The following FGF12 variants were observed in gnomAD, a reference collection of about 807,000 sequenced individuals.
FGF12 encodes fibroblast growth factor 12, also known as fibroblast growth factor 12B.
In FGF12, 14 loss-of-function variants were observed where a neutral mutation model predicts 23.6. The ratio of observed to expected loss-of-function variants is 0.59; its 90% confidence interval spans 0.39 to 0.93. The LOEUF (loss-of-function observed/expected upper bound fraction) is 0.93, where lower values mean the gene tolerates loss of function less well. FGF12 is among the 40% of genes least tolerant of loss of function. FGF12 has a pLI of 0.00. For synonymous variants in FGF12, 62 were observed against 77.3 expected, an observed-to-expected ratio of 0.80 and a Z score of 1.04; for missense variants, 175 against 217.8, an observed-to-expected ratio of 0.80 and a Z score of 1.24.
chr3:192,313,511 C>A (rs77462049), intron 4 of FGF12, among the ~76,000 whole-genome samples: 1 of 152,154 alleles, frequency 6.6e-6, no homozygotes, highest in Non-Finnish European at 1.5e-5. Context: ...GCCCTTGCTA[C>A]AGAAATTTTA....
intron 2 of FGF12, among the ~76,000 whole-genome samples, chr3:192,680,388 A>G (rs925594327): frequency 1.3e-5 from 2 of 152,202 alleles, no homozygotes; most frequent in Admixed American, 6.5e-5. Flanking sequence ...GAGCTGGAAG[A>G]GCTATAAACC....
At position 192,367,988 on chromosome 3, in the gene FGF12, G is replaced by A. The variant is rs145049702; in HGVS notation, c.14-7450C>T. Among the ~76,000 whole-genome samples, 39 of 152,194 alleles carry A rather than the reference G, an allele frequency of 2.6e-4. No homozygotes were observed. In the East Asian group the frequency reaches 5.8e-3, roughly 23 times the overall value. On this transcript the variant is annotated intron_variant, in intron 2 of 5. Coordinates refer to ENST00000445105, the MANE Select transcript of FGF12 (RefSeq NM_004113.6). The stretch of plus-strand genomic sequence containing the variant: ...AGTTATCAATAGATACTAATGGCAC[G>A]TTTTATTTTTTAAAAATGAATATTT...
Position 192,360,935 on chromosome 3 carries a change from G to A in FGF12, c.14-397C>T, listed in dbSNP as rs1718694407. Among the ~76,000 whole-genome samples, 2 of 152,034 alleles carry A rather than the reference G, an allele frequency of 1.3e-5. No homozygotes were observed. The highest frequency in any genetic ancestry group is 4.2e-4 in the South Asian group (2 of 4,814). On this transcript the variant is annotated intron_variant, in intron 2 of 5. Transcript: ENST00000445105. The surrounding 1 kb of genome is among the most constrained non-coding windows in gnomAD (Gnocchi z 4.3). ...CTAAGTTTCTAGTAGCCATAACCAG[G>A]TCCATAAGACTTCTATCTCTGCAGG...
chr3:192,429,586 A>C (rs993293562), intron 2 of FGF12, among the ~76,000 whole-genome samples: 1 of 152,142 alleles, frequency 6.6e-6, no homozygotes, highest in African/African-American at 2.4e-5. Context: ...CTTTACCCAA[A>C]AGGCCAAGTG....
At chr3:192,725,414 T>C (rs887890178) in intron 2 of FGF12, among the ~76,000 whole-genome samples, 5 of 152,140 alleles carry the variant, frequency 3.3e-5, no homozygotes, top group African/African-American at 9.7e-5. Context: ...TGGATTGACA[T>C]AGAACTTCTG....
At chr3:192,535,328 T>C (rs182496339) in intron 2 of FGF12, among the ~76,000 whole-genome samples, 6 of 152,332 alleles carry the variant, frequency 3.9e-5, no homozygotes, top group Admixed American at 3.9e-4. Flanking sequence ...AAATTCTACT[T>C]AAAATTAAAA....
At chr3:192,574,593 A>T (rs991209479) in intron 2 of FGF12, among the ~76,000 whole-genome samples, 1 of 152,238 alleles carries the variant, frequency 6.6e-6, no homozygotes, top group Non-Finnish European at 1.5e-5. Context: ...AGCATTCCCC[A>T]TTCAAACCCC....
At chr3:192,544,845 G>A (rs957077087) in intron 2 of FGF12, among the ~76,000 whole-genome samples, 1 of 152,188 alleles carries the variant, frequency 6.6e-6, no homozygotes, top group Non-Finnish European at 1.5e-5. Context: ...ACAGTCGTGA[G>A]TATAGCAGAC....
At chr3:192,161,758 TATGCCATTCAA>T (rs1475852450) in intron 5 of FGF12, among the ~76,000 whole-genome samples, 3 of 152,260 alleles carry the variant, frequency 2.0e-5, no homozygotes, top group Non-Finnish European at 4.4e-5. Flanking sequence ...GAAAGGACAA[TATGCCATTCAA>T]ATGGAATATA....
At chr3:192,285,088 A>G (rs1010142697) in intron 4 of FGF12, among the ~76,000 whole-genome samples, 2 of 152,072 alleles carry the variant, frequency 1.3e-5, no homozygotes, top group Non-Finnish European at 2.9e-5. Flanking sequence ...TTTGGGATTT[A>G]CCATGACCTG....
chr3:192,190,336 T>C (rs374948725), intron 4 of FGF12, among the ~76,000 whole-genome samples: 6 of 152,116 alleles, frequency 3.9e-5, no homozygotes, highest in East Asian at 1.9e-4. Flanking sequence ...GATTAATTCA[T>C]TGAAAATATT....
rs551785451 is a variant in FGF12 at position 192,408,051 on chromosome 3, C to G, written c.14-47513G>C. ...TGGTCTCCGCCTCACCGGCCTCTTG[C>G]GGCCGCTGCAGAAGCGCACTTTGCT... On this transcript the variant is annotated intron_variant, in intron 2 of 5. Coordinates refer to ENST00000445105, the MANE Select transcript of FGF12 (RefSeq NM_004113.6). The surrounding 1 kb of genome is among the most constrained non-coding windows in gnomAD (Gnocchi z 7.3). 3 of 1,611,866 alleles carry G rather than the reference C, an allele frequency of 1.9e-6. No individual in the cohort carries two copies. The highest frequency in any genetic ancestry group is 3.3e-5 in the Admixed American group (2 of 59,974).
intron 2 of FGF12, among the ~76,000 whole-genome samples, chr3:192,379,121 T>C (rs1177000792): frequency 6.6e-6 from 1 of 152,206 alleles, no homozygotes. Context: ...TTCCATGGTG[T>C]ATATGTACCA....
intron 2 of FGF12, among the ~76,000 whole-genome samples, chr3:192,684,162 C>A (rs566812979): frequency 6.6e-6 from 1 of 152,290 alleles, no homozygotes; most frequent in South Asian, 2.1e-4. Flanking sequence ...CATGGTTCAA[C>A]CCTTCCAGGT....
intron 4 of FGF12, among the ~76,000 whole-genome samples, chr3:192,305,006 T>G (rs914487187): frequency 4.0e-5 from 6 of 150,998 alleles, no homozygotes; most frequent in Non-Finnish European, 8.9e-5. Context: ...AAGAAAGGGA[T>G]GGAGAAAGAG....
chr3:192,319,678 G>T (rs890486816), intron 4 of FGF12, among the ~76,000 whole-genome samples: 1 of 152,000 alleles, frequency 6.6e-6, no homozygotes, highest in African/African-American at 2.4e-5. Flanking sequence ...AATAGAAACA[G>T]AAAAAGTTTA....
At chr3:192,414,977 G>A (rs1297274646) in intron 2 of FGF12, among the ~76,000 whole-genome samples, 1 of 152,094 alleles carries the variant, frequency 6.6e-6, no homozygotes, top group Admixed American at 6.5e-5. Flanking sequence ...TTCTAGGAGG[G>A]TGGTCTTGAA....
intron 5 of FGF12, among the ~76,000 whole-genome samples, chr3:192,162,381 G>GT (rs987590261): frequency 2.0e-5 from 3 of 152,098 alleles, no homozygotes; most frequent in African/African-American, 4.8e-5. Flanking sequence ...AAAAGCGTCT[G>GT]TATGTTCGTT....
chr3:192,591,887 A>C (rs1713640390), intron 2 of FGF12, among the ~76,000 whole-genome samples: 1 of 151,824 alleles, frequency 6.6e-6, no homozygotes, highest in African/African-American at 2.4e-5. Context: ...TATTCCTACC[A>C]CAAATAAAAT....
Sources: gnomAD v4.1 joint callset for allele counts (sites outside exome capture counted in the v4.1 genomes callset) on GRCh38, gnomAD v4.1.1 for gene constraint, Gnocchi (gnomAD v3.1) non-coding constraint, MANE v1.5 for transcripts, NCBI Gene and HGNC (gene_info 2026-07-23, HGNC 2026-07-21) for gene names.